DLG2: variants seen among roughly 807,000 people sequenced by gnomAD.
DLG2 encodes disks large homolog 2.
Under a neutral mutation model 132.5 loss-of-function variants are expected in DLG2, and 45 were observed. That is an observed-to-expected ratio of 0.34 (90% CI 0.27 to 0.44). DLG2 has a LOEUF of 0.44. Ranked by LOEUF, DLG2 falls within the 20% of genes least tolerant of loss-of-function variation. The pLI, the probability that DLG2 is intolerant of heterozygous loss-of-function variation, is 1.00. For synonymous variants in DLG2, 424 were observed against 419.6 expected (o/e 1.01, Z -0.13); for missense variants, 1,045 against 1,196.9 (o/e 0.87, Z 1.87).
intron 16 of DLG2, among the ~76,000 whole-genome samples, chr11:83,854,676 C>A (rs560902922): frequency 6.6e-6 from 1 of 152,174 alleles, no homozygotes; most frequent in South Asian, 2.1e-4. Context: ...ATCTAGATGA[C>A]CTTGGGTTTT....
intron 17 of DLG2, among the ~76,000 whole-genome samples, chr11:83,821,879 T>C (rs1238908817): frequency 6.6e-6 from 1 of 152,120 alleles, no homozygotes; most frequent in Non-Finnish European, 1.5e-5. Flanking sequence ...AAAAACAAAC[T>C]CTACCCTCAA....
chr11:85,468,815 A>T lies in DLG2; in HGVS notation c.40+129842T>A, dbSNP rs537515480. Among the ~76,000 whole-genome samples, 5 of 152,244 alleles carry T rather than the reference A, an allele frequency of 3.3e-5. No homozygotes were observed. The South Asian group carries it at 1.0e-3, about 32-fold the overall frequency. The stretch of plus-strand genomic sequence containing the variant: ...TGATTTGGGGTGCAGAGTTCTGTAG[A>T]TGTCTAATTTTTTTTAAATATTTAT... On this transcript the variant is annotated intron_variant, in intron 3 of 27. Coordinates refer to ENST00000376104, the MANE Select transcript of DLG2 (RefSeq NM_001142699.3).
chr11:83,958,603 A>T (rs1342112200), intron 14 of DLG2, among the ~76,000 whole-genome samples: 1 of 152,100 alleles, frequency 6.6e-6, no homozygotes, highest in African/African-American at 2.4e-5. Flanking sequence ...TTTACTTTGC[A>T]TTACCAATTT....
chr11:84,995,536 T>C (rs1166973599), intron 6 of DLG2, among the ~76,000 whole-genome samples: 1 of 152,220 alleles, frequency 6.6e-6, no homozygotes, highest in Non-Finnish European at 1.5e-5. Context: ...TGTCTTCTTG[T>C]TGCCACTTCA....
chr11:85,523,678 T>C (rs2074503463), intron 3 of DLG2, among the ~76,000 whole-genome samples: 1 of 152,166 alleles, frequency 6.6e-6, no homozygotes, highest in Non-Finnish European at 1.5e-5. Context: ...TGGAGATTCC[T>C]CAAGAAACTA....
At chr11:85,084,833 C>A (rs986443906) in intron 6 of DLG2, among the ~76,000 whole-genome samples, 3 of 152,134 alleles carry the variant, frequency 2.0e-5, no homozygotes, top group African/African-American at 7.2e-5. Context: ...CATAGTTGTA[C>A]TCAAAAATAT....
intron 18 of DLG2, among the ~76,000 whole-genome samples, chr11:83,694,110 G>A (rs570815179): frequency 1.5e-4 from 23 of 152,164 alleles, no homozygotes; most frequent in Non-Finnish European, 5.9e-5. Flanking sequence ...AGGCTCAGAG[G>A]TTAAGCAAAG....
chr11:85,547,470 GTTC>G (rs926686599), intron 3 of DLG2, among the ~76,000 whole-genome samples: 1 of 152,172 alleles, frequency 6.6e-6, no homozygotes, highest in African/African-American at 2.4e-5. Context: ...TCTTGGCGTT[GTTC>G]TTCTCAAGGA....
chr11:84,600,198 A>AAGAAAGAAAGAAAGAAAGAG (rs1565419686), intron 6 of DLG2, among the ~76,000 whole-genome samples: 4 of 136,674 alleles, frequency 2.9e-5, no homozygotes, highest in African/African-American at 1.3e-4. Flanking sequence ...GAAAGAAAGA[A>AAGAAAGAAAGAAAGAAAGAG]AGAAAGAAAG....
At chr11:85,111,267 G>A (rs2072694312) in intron 6 of DLG2, among the ~76,000 whole-genome samples, 2 of 152,128 alleles carry the variant, frequency 1.3e-5, no homozygotes, top group Non-Finnish European at 2.9e-5. Context: ...TTGCAAGTTG[G>A]TGTGCTCATG....
rs2059391886 is a variant in DLG2, at chr11:83,606,739, A to T, written c.1940+26472T>A. On this transcript the variant is annotated intron_variant, in intron 19 of 27. Transcript: ENST00000376104. ...TCAGGAGATCAAGACCATCCTGGCT[A>T]ATACATTGAAACCCCGTCTCTACTA... Among the ~76,000 whole-genome samples the T allele has an allele frequency of 2.0e-5, 3 of 152,024 alleles. No individual in the cohort carries two copies. The South Asian group carries it at 6.2e-4, about 31-fold the overall frequency.
intron 4 of DLG2, among the ~76,000 whole-genome samples, chr11:85,262,208 T>C (rs1245522804): frequency 6.6e-6 from 1 of 152,140 alleles, no homozygotes; most frequent in African/African-American, 2.4e-5. Flanking sequence ...CGGAAGTTTT[T>C]TAAGTGGCCA....
At chr11:85,553,225 TAAAAC>T (rs1479919889) in intron 3 of DLG2, among the ~76,000 whole-genome samples, 1 of 151,530 alleles carries the variant, frequency 6.6e-6, no homozygotes, top group African/African-American at 2.4e-5. Flanking sequence ...AAAACAAACA[TAAAAC>T]AAATGTGAAT....
chr11:84,544,949 T>C lies in DLG2; in HGVS notation c.358-10218A>G, dbSNP rs563680118. ...GAAACAATAATAACCTGTTATACAA[T>C]TAGTCACAAATACAGTCCTTGAATT... On this transcript the variant is annotated intron_variant, in intron 6 of 27. Transcript: ENST00000376104. 3.9e-5 allele frequency among the ~76,000 whole-genome samples: 6 copies of C among 152,314 alleles called. No homozygotes were observed. In the East Asian group the frequency reaches 1.2e-3, roughly 29 times the overall value.
At chr11:83,787,270 T>C (rs1375775800) in intron 17 of DLG2, among the ~76,000 whole-genome samples, 3 of 151,414 alleles carry the variant, frequency 2.0e-5, no homozygotes, top group South Asian at 4.2e-4. Context: ...GTCAATTGTC[T>C]AGCCTTGTCA....
At chr11:84,740,952 C>T (rs2064538073) in intron 6 of DLG2, among the ~76,000 whole-genome samples, 1 of 152,088 alleles carries the variant, frequency 6.6e-6, no homozygotes, top group Admixed American at 6.5e-5. Flanking sequence ...TGGCCCTGGC[C>T]TTCACAAAAC....
At chr11:84,121,852 C>T (rs761920910) in intron 9 of DLG2, among the ~76,000 whole-genome samples, 14 of 151,536 alleles carry the variant, frequency 9.2e-5, no homozygotes, top group South Asian at 4.2e-4. Context: ...TGAGCCACCG[C>T]GCCCAGCCTT....
chr11:85,090,322 TTC>T (rs1465173744), intron 6 of DLG2, among the ~76,000 whole-genome samples: 1 of 152,184 alleles, frequency 6.6e-6, no homozygotes, highest in East Asian at 1.9e-4. Context: ...CTCACCTCTT[TTC>T]TCTGTCATCT....
chr11:85,198,277 A>G (rs1185235774), intron 4 of DLG2, among the ~76,000 whole-genome samples: 1 of 152,164 alleles, frequency 6.6e-6, no homozygotes. Flanking sequence ...CTGGCCCTCC[A>G]TTTTTGTGGA....
Sources: allele counts gnomAD v4.1 joint callset (sites outside exome capture counted in the v4.1 genomes callset), GRCh38; gene constraint gnomAD v4.1.1; transcripts MANE v1.5; gene names NCBI Gene and HGNC (gene_info 2026-07-23, HGNC 2026-07-21).